The following LIMK2 variants were observed in gnomAD, a reference collection of about 807,000 sequenced individuals.
LIMK2 encodes LIM domain kinase 2.
Under a neutral mutation model 75.7 loss-of-function variants are expected in LIMK2, and 35 were observed. The observed-to-expected ratio is 0.46, with a 90% CI of 0.35 to 0.61. LIMK2 has a LOEUF of 0.61. LIMK2 is among the 20% of genes least tolerant of loss of function. LIMK2 has a pLI of 0.00. For synonymous variants in LIMK2, 301 were observed against 319.2 expected, an observed-to-expected ratio of 0.94 and a Z score of 0.61; for missense variants, 623 against 831.0, an observed-to-expected ratio of 0.75 and a Z score of 3.08.
chr22:31,227,612 C>G (rs984814618), intron 2 of LIMK2, among the ~76,000 whole-genome samples: 1 of 152,172 alleles, frequency 6.6e-6, no homozygotes, highest in African/African-American at 2.4e-5. Context: ...AATGTCAGAG[C>G]TGTAAGGGAC....
At chr22:31,227,135 GAA>G (rs2048486948) in intron 2 of LIMK2, among the ~76,000 whole-genome samples, 1 of 152,204 alleles carries the variant, frequency 6.6e-6, no homozygotes, top group Non-Finnish European at 1.5e-5. Flanking sequence ...TCAAGGGTGG[GAA>G]CTTGTCTTTA....
intron 2 of LIMK2, among the ~76,000 whole-genome samples, chr22:31,257,225 G>A (rs1489755263): frequency 6.6e-6 from 1 of 151,522 alleles, no homozygotes; most frequent in Non-Finnish European, 1.5e-5. Context: ...CTTACACAGT[G>A]CTAATAGAAT....
chr22:31,215,971 C>T (rs1254035214), intron 1 of LIMK2, among the ~76,000 whole-genome samples: 2 of 152,156 alleles, frequency 1.3e-5, no homozygotes, highest in African/African-American at 2.4e-5. Flanking sequence ...AGGGATACAG[C>T]AAGGAACAAG....
At chr22:31,273,361 G>C in intron 13 of LIMK2, 91 bp from the exon 14 acceptor site, 1 of 1,177,012 alleles carries the variant, frequency 8.5e-7, no homozygotes, top group East Asian at 2.4e-5. Flanking sequence ...TCTAGCCCTA[G>C]TTCTTAGCTG....
intron 2 of LIMK2, chr22:31,248,668 G>A (rs1184297603): frequency 6.2e-7 from 1 of 1,614,034 alleles, no homozygotes; most frequent in Non-Finnish European, 8.5e-7. Flanking sequence ...GCCTGAGGCA[G>A]TCACAGACGG....
At chr22:31,276,357 C>T (rs1158111131) in intron 15 of LIMK2, among the ~76,000 whole-genome samples, 1 of 152,226 alleles carries the variant, frequency 6.6e-6, no homozygotes, top group African/African-American at 2.4e-5. Flanking sequence ...CAATATATCC[C>T]TCAACATTCT....
Position 31,272,460 on chromosome 22 carries a change from T to C in LIMK2, c.1384-70T>C, listed in dbSNP as rs114197449. On this transcript the variant is annotated intron_variant, in intron 12 of 15. Coordinates refer to ENST00000331728, the MANE Select transcript of LIMK2 (RefSeq NM_005569.4). The stretch of plus-strand genomic sequence containing the variant: ...CCCCTTCTCAGTGGCTTCTCTTGCC[T>C]ATGCTTCCTCCCCAGGGCCAGGTTT... 1.8e-3 allele frequency: 2,594 copies of C among 1,457,898 alleles called. 45 individuals are homozygous for C. The African/African-American group carries it at 0.031, about 18-fold the overall frequency. The allele number at this position is 1,457,898 out of a possible 1,614,324, so 90.3% of individuals were successfully genotyped here.
chr22:31,266,156 T>C (rs763258870), intron 8 of LIMK2, 24 bp downstream of exon 8: 1 of 1,611,294 alleles, frequency 6.2e-7, no homozygotes, highest in South Asian at 1.1e-5. Flanking sequence ...ACAATTGCTT[T>C]GCTCTTCTGC....
chr22:31,264,833 C>T (rs1295791313), intron 7 of LIMK2, among the ~76,000 whole-genome samples: 1 of 148,964 alleles, frequency 6.7e-6, no homozygotes, highest in Non-Finnish European at 1.5e-5. Flanking sequence ...CCGAGGTGGG[C>T]GAATCACAAG....
At chr22:31,231,696 A>G (rs559007347) in intron 2 of LIMK2, among the ~76,000 whole-genome samples, 29 of 152,336 alleles carry the variant, frequency 1.9e-4, no homozygotes, top group African/African-American at 6.0e-4. Context: ...CACAGCTTCT[A>G]TAGGAGGCAG....
At chr22:31,278,026 T>A (rs2123875708) in intron 15 of LIMK2, among the ~76,000 whole-genome samples, 1 of 152,280 alleles carries the variant, frequency 6.6e-6, no homozygotes, top group Admixed American at 6.5e-5. Flanking sequence ...GATAACTGCA[T>A]TTTCTCTAAG....
chr22:31,267,654 CACAAGAT>C, intron 9 of LIMK2, 115 bp from the exon 10 acceptor site: 1 of 1,083,318 alleles, frequency 9.2e-7, no homozygotes, highest in South Asian at 1.6e-5. Context: ...CCTGTCATAT[CACAAGAT>C]AGGAGGTAGG....
chr22:31,235,397 T>C (rs575527380), intron 2 of LIMK2, among the ~76,000 whole-genome samples: 1 of 152,274 alleles, frequency 6.6e-6, no homozygotes, highest in African/African-American at 2.4e-5. Flanking sequence ...AGTTAAAGCT[T>C]TGTCTTTTGC....
chr22:31,248,009 C>T (rs1452712601), intron 2 of LIMK2, among the ~76,000 whole-genome samples: 1 of 151,712 alleles, frequency 6.6e-6, no homozygotes, highest in Non-Finnish European at 1.5e-5. Flanking sequence ...CAGAGGTCCC[C>T]CCGTCTGGTG....
At chr22:31,228,550 A>G (rs2048498452) in intron 2 of LIMK2, among the ~76,000 whole-genome samples, 1 of 152,202 alleles carries the variant, frequency 6.6e-6, no homozygotes, top group Non-Finnish European at 1.5e-5. Context: ...AAATGAGGAT[A>G]AGAATATTAC....
chr22:31,269,535 G>T (rs944166851), intron 11 of LIMK2, among the ~76,000 whole-genome samples: 1 of 151,870 alleles, frequency 6.6e-6, no homozygotes, highest in Admixed American at 6.6e-5. Context: ...TTGGGAGGCC[G>T]AGGTGAGTGG....
At chr22:31,215,855 T>C (rs914912543) in intron 1 of LIMK2, among the ~76,000 whole-genome samples, 3 of 152,198 alleles carry the variant, frequency 2.0e-5, no homozygotes, top group African/African-American at 7.2e-5. Flanking sequence ...AAGGCTTGCG[T>C]ATGATAACAT....
At chr22:31,237,390 C>T (rs1241749895) in intron 2 of LIMK2, among the ~76,000 whole-genome samples, 1 of 151,330 alleles carries the variant, frequency 6.6e-6, no homozygotes, top group Non-Finnish European at 1.5e-5. Flanking sequence ...ATGGTGAAAC[C>T]TTGTCTCTAC....
intron 8 of LIMK2, among the ~76,000 whole-genome samples, 179 bp from the exon 9 acceptor site, chr22:31,266,805 T>A (rs768598532): frequency 7.2e-5 from 11 of 152,190 alleles, no homozygotes; most frequent in Non-Finnish European, 1.2e-4. Context: ...GAAAGAGGGT[T>A]TGCTTCCGTG....
Sources: allele counts gnomAD v4.1 joint callset (sites outside exome capture counted in the v4.1 genomes callset), GRCh38; gene constraint gnomAD v4.1.1; transcripts MANE v1.5; gene names NCBI Gene and HGNC (gene_info 2026-07-23, HGNC 2026-07-21).